Variants in A4GALT observed in about 807,000 individuals in gnomAD.
The protein encoded by A4GALT is lactosylceramide 4-alpha-galactosyltransferase.
For missense variants in A4GALT, 512 were observed against 486.0 expected (o/e 1.05, Z -0.50); for synonymous variants, 257 against 220.7 (o/e 1.16, Z -1.46).
intron 1 of A4GALT, among the ~76,000 whole-genome samples, chr22:42,708,796 T>C (rs954470645): frequency 5.9e-5 from 9 of 151,934 alleles, no homozygotes; most frequent in African/African-American, 1.4e-4. Context: ...AAAAATAAGA[T>C]AGTACTTAGC....
chr22:42,705,111 G>A (rs1026828789), intron 1 of A4GALT, among the ~76,000 whole-genome samples: 1 of 152,070 alleles, frequency 6.6e-6, no homozygotes, highest in African/African-American at 2.4e-5. Flanking sequence ...CAACAGAGGA[G>A]GGAGCCTTTC....
chr22:42,715,313 G>T (rs1399473124), intron 1 of A4GALT, among the ~76,000 whole-genome samples: 2 of 151,946 alleles, frequency 1.3e-5, no homozygotes, highest in Non-Finnish European at 2.9e-5. Flanking sequence ...GAAATGTTTT[G>T]ATCTTTTTGG....
In A4GALT at chr22:42,692,981, G is replaced by A. The variant is rs756022687; in HGVS notation, c.971C>T (p.Thr324Met). The A allele has an allele frequency of 9.9e-6, 16 of 1,613,288 alleles. No individual in the cohort carries two copies. In the Admixed American group the frequency reaches 1.0e-4, roughly 10 times the overall value. Residue 324 changes from threonine to methionine, a missense_variant, in exon 3 of 3, where the codon ACG (threonine) becomes ATG (methionine). By Grantham distance (81) the Thr-to-Met change is moderately conservative. Transcript: ENST00000642412. The surrounding 1 kb of genome is among the most constrained non-coding windows in gnomAD (Gnocchi z 4.6). ...VHVWNKKSQG[T>M]RFEATSRALL... The stretch of plus-strand genomic sequence containing the variant: ...TGCCCTGGACGTGGCCTCGAACCGC[G>A]TGCCCTGGCTCTTCTTGTTCCACAC...
chr22:42,720,290 G>T (rs962960281), intron 1 of A4GALT, among the ~76,000 whole-genome samples: 1 of 70,096 alleles, frequency 1.4e-5, no homozygotes, highest in African/African-American at 5.1e-5. Flanking sequence ...CCTAAGGCCG[G>T]CGCCGACGCT....
chr22:42,700,407 C>T (rs1458127398), intron 1 of A4GALT, among the ~76,000 whole-genome samples: 2 of 152,168 alleles, frequency 1.3e-5, no homozygotes, highest in Non-Finnish European at 2.9e-5. Context: ...AGCAAAGCCA[C>T]GGTCGGGTGG....
chr22:42,702,436 G>C (rs577728889), intron 1 of A4GALT, among the ~76,000 whole-genome samples: 3 of 152,114 alleles, frequency 2.0e-5, no homozygotes, highest in African/African-American at 7.2e-5. Flanking sequence ...CCGCCGCCCG[G>C]GTTCAAGCGA....
At chr22:42,714,098 A>G (rs1460100344) in intron 1 of A4GALT, among the ~76,000 whole-genome samples, 1 of 151,910 alleles carries the variant, frequency 6.6e-6, no homozygotes, top group Non-Finnish European at 1.5e-5. Context: ...CGTGGGAAAC[A>G]TAGGGAGACC....
At chr22:42,700,270 C>T (rs1011728996) in intron 1 of A4GALT, among the ~76,000 whole-genome samples, 9 of 152,178 alleles carry the variant, frequency 5.9e-5, no homozygotes, top group Non-Finnish European at 7.4e-5. Context: ...ACAGGTTCAG[C>T]CGACAGCAGG....
intron 1 of A4GALT, among the ~76,000 whole-genome samples, chr22:42,715,437 C>G (rs1602026707): frequency 1.3e-5 from 2 of 152,196 alleles, no homozygotes; most frequent in Non-Finnish European, 2.9e-5. Flanking sequence ...AAATGTAATT[C>G]AGGGCTGGGC....
intron 1 of A4GALT, among the ~76,000 whole-genome samples, chr22:42,717,769 C>T (rs28992177): frequency 0.014 from 2,172 of 152,254 alleles, 21 homozygotes; most frequent in Non-Finnish European, 0.022. Flanking sequence ...CACACACCCA[C>T]GCACGCACAA....
chr22:42,699,781 G>A (rs1931177209), intron 1 of A4GALT, among the ~76,000 whole-genome samples: 1 of 152,204 alleles, frequency 6.6e-6, no homozygotes, highest in African/African-American at 2.4e-5. Context: ...CCAGGACACA[G>A]GGTGCCCCAA....
In A4GALT at chr22:42,696,700, T is replaced by C. The variant is rs1022378769; in HGVS notation, c.-187-1069A>G. Among the ~76,000 whole-genome samples the C allele has an allele frequency of 4.6e-5, 7 of 151,894 alleles. No homozygotes were observed. The South Asian group carries it at 1.5e-3, about 32-fold the overall frequency. On this transcript the variant is annotated intron_variant, in intron 1 of 2. Coordinates refer to ENST00000642412, the MANE Select transcript of A4GALT (RefSeq NM_017436.7). ...GCCAGCAGGATGCTTTACAAGTATA[T>C]CAGCCACGTCATTCTCAGCTCAGAC... is the stretch of plus-strand genomic sequence containing the variant.
At chr22:42,704,318 TA>T (rs1920955641) in intron 1 of A4GALT, among the ~76,000 whole-genome samples, 5 of 151,524 alleles carry the variant, frequency 3.3e-5, no homozygotes, top group African/African-American at 9.7e-5. Context: ...CCATCTCTAC[TA>T]AAAAATACAA....
At position 42,693,990 on chromosome 22, in the gene A4GALT, C is replaced by A; in HGVS notation, c.-39G>T. On this transcript the variant is annotated 5_prime_UTR_variant, in exon 3 of 3. Coordinates refer to ENST00000642412, the MANE Select transcript of A4GALT (RefSeq NM_017436.7). ...CAGACCAGGAGCTTCCAGCAGGAAC[C>A]GGCTGGTCTGCAAGAGATGAGCACC... 1 of 1,537,470 alleles carries A rather than the reference C, an allele frequency of 6.5e-7. No homozygotes were observed. Among genetic ancestry groups the A allele is most frequent in the Non-Finnish European group, 8.8e-7 (1 of 1,139,266 alleles).
chr22:42,703,358 T>A (rs1389669012), intron 1 of A4GALT, among the ~76,000 whole-genome samples: 1 of 149,216 alleles, frequency 6.7e-6, no homozygotes, highest in Admixed American at 6.8e-5. Context: ...CGGGTTCAAG[T>A]GATTGTCCTG....
At position 42,703,564 on chromosome 22, in the gene A4GALT, A is replaced by G. The variant is rs144968865; in HGVS notation, c.-187-7933T>C. ...CCACTGTGCCCGGCCTGCAATAAGG[A>G]GTGTTTTGCAAACTCTGAAAGTGCA... On this transcript the variant is annotated intron_variant, in intron 1 of 2. Transcript: ENST00000642412. Among the ~76,000 whole-genome samples, 59 of 152,048 alleles carry G rather than the reference A, an allele frequency of 3.9e-4. No homozygotes were observed. In the East Asian group the frequency reaches 9.1e-3, roughly 23 times the overall value.
chr22:42,693,170 C>T lies in A4GALT; in HGVS notation c.782G>A (p.Trp261Ter). Residue 261 changes from tryptophan to a stop codon, truncating the protein, a stop_gained, in exon 3 of 3, where the codon TGG becomes TAG. Transcript: ENST00000642412. LOFTEE classifies it low-confidence loss of function (END_TRUNC). ...CTCGGCCAGGCTGCGGATGGAACACCACTTCTTGAAGACCCGCGTGAGCAG... is the reference window on the plus strand; with the variant it reads ...CTCGGCCAGGCTGCGGATGGAACACTACTTCTTGAAGACCCGCGTGAGCAG... ...PQLLTRVFKK[W>*]CSIRSLAESR... 1 of 1,597,728 alleles carries T rather than the reference C, an allele frequency of 6.3e-7. No individual in the cohort carries two copies. Among genetic ancestry groups the T allele is most frequent in the Admixed American group, 1.8e-5 (1 of 56,768 alleles).
chr22:42,721,079 G>A (rs1485974642), upstream of A4GALT: 1 of 152,130 alleles, frequency 6.6e-6, no homozygotes, highest in East Asian at 1.9e-4. Flanking sequence ...AGCGCTCCCC[G>A]GCCTCCGCGC....
chr22:42,699,889 C>T (rs28915372), intron 1 of A4GALT, among the ~76,000 whole-genome samples: 11,826 of 152,188 alleles, frequency 0.078, 615 homozygotes, highest in Non-Finnish European at 0.11. Flanking sequence ...TGTGGGTGGG[C>T]CCCCAACCCT....
Sources: allele counts gnomAD v4.1 joint callset (sites outside exome capture counted in the v4.1 genomes callset), GRCh38; gene constraint gnomAD v4.1.1; non-coding constraint Gnocchi (gnomAD v3.1); transcripts MANE v1.5; gene names NCBI Gene and HGNC (gene_info 2026-07-23, HGNC 2026-07-21).